Variants in ECT2 observed in about 807,000 individuals in gnomAD.
ECT2 encodes the protein epithelial cell transforming 2, also known as protein ECT2.
Under a neutral mutation model 116.9 loss-of-function variants are expected in ECT2, and 61 were observed. That is an observed-to-expected ratio of 0.52 (90% CI 0.42 to 0.65). The LOEUF is 0.65. ECT2 is among the 30% of genes least tolerant of loss of function. The pLI, the probability that ECT2 is intolerant of heterozygous loss-of-function variation, is 0.00. For missense variants in ECT2, 937 were observed against 1,078.7 expected, an observed-to-expected ratio of 0.87 and a Z score of 1.84; for synonymous variants, 358 against 346.4, an observed-to-expected ratio of 1.03 and a Z score of -0.37.
intron 22 of ECT2, among the ~76,000 whole-genome samples, chr3:172,812,232 C>G (rs1022255423): frequency 4.6e-5 from 7 of 152,104 alleles, no homozygotes; most frequent in Non-Finnish European, 8.8e-5. Context: ...AAGTGATCTG[C>G]CCCCCTGGGG....
chr3:172,828,895 C>A, the ECT2 span: 2 of 1,422,340 alleles, frequency 1.4e-6, no homozygotes, highest in South Asian at 2.5e-5. Flanking sequence ...AGCCAATGAT[C>A]AAGCTGCCAA....
intron 17 of ECT2, among the ~76,000 whole-genome samples, chr3:172,785,995 T>C (rs1308702270): frequency 6.6e-6 from 1 of 152,188 alleles, no homozygotes; most frequent in African/African-American, 2.4e-5. Flanking sequence ...AACCTAGATT[T>C]GATAAGAATA....
intron 12 of ECT2, among the ~76,000 whole-genome samples, chr3:172,767,024 C>G (rs570009969): frequency 3.3e-5 from 5 of 152,206 alleles, no homozygotes; most frequent in Non-Finnish European, 7.3e-5. Flanking sequence ...TAAATTAGAT[C>G]AGTGCATCTC....
the ECT2 span, among the ~76,000 whole-genome samples, chr3:172,828,399 TTA>T: frequency 2.0e-5 from 3 of 151,578 alleles, no homozygotes; most frequent in Non-Finnish European, 4.4e-5. Flanking sequence ...GTTTCTAAAT[TTA>T]TGTGGAAATA....
chr3:172,783,768 T>C (rs1167254568), intron 15 of ECT2, 31 bp from the exon 16 acceptor site: 1 of 1,396,618 alleles, frequency 7.2e-7, no homozygotes, highest in Admixed American at 1.7e-5. Context: ...AAATGCATAA[T>C]AAATAATGTT....
Position 172,783,858 on chromosome 3 carries a change from A to G in ECT2, c.1677A>G (p.Glu559=). 1.2e-6 allele frequency: 2 copies of G among 1,607,636 alleles called. No homozygotes were observed. The highest frequency in any genetic ancestry group is 1.7e-6 in the Non-Finnish European group (2 of 1,177,170). The change falls in exon 16 of 25, where the codon GAA becomes GAG. Residue 559 remains glutamate, a synonymous_variant. Transcript: ENST00000392692. ...PFVNFFEMSK[E]TIIKCEKQKP... ...TAAACTTCTTTGAAATGAGCAAGGA[A>G]ACAATTATTAAATGTGAAAAACAGA...
rs1397919520 is a variant in ECT2, at chr3:172,761,651, G to A, written c.726G>A (p.Trp242Ter). Residue 242 changes from tryptophan (W) to a stop codon, truncating the protein, a stop_gained, in exon 8 of 25, where the codon TGG (tryptophan) becomes TGA (stop). Coordinates refer to ENST00000392692, the MANE Select transcript of ECT2 (RefSeq NM_001258315.2). LOFTEE classifies it high-confidence loss of function. ...GTACTCCAATTATGAAGCCAGAATG[G>A]ATTTATAAAGCTTGGGAAAGGCGGA... is the stretch of plus-strand genomic sequence containing the variant. ...SLGTPIMKPE[W>*]IYKAWERRNE... The A allele has an allele frequency of 6.2e-7, 1 of 1,611,176 alleles. No homozygotes were observed. Among genetic ancestry groups the A allele is most frequent in the Non-Finnish European group, 8.5e-7 (1 of 1,178,174 alleles).
chr3:172,815,276 A>G (rs1577046062), intron 22 of ECT2, among the ~76,000 whole-genome samples: 1 of 152,176 alleles, frequency 6.6e-6, no homozygotes, highest in African/African-American at 2.4e-5. Flanking sequence ...TGTTTGTGGT[A>G]TTGGTTTTGT....
chr3:172,772,762 C>T (rs6776317), intron 13 of ECT2, among the ~76,000 whole-genome samples: 21,067 of 151,728 alleles, frequency 0.14, 1,717 homozygotes, highest in Non-Finnish European at 0.18. Context: ...TGTTTATGTC[C>T]GTGACCCATT....
At chr3:172,785,758 A>C (rs1017072572) in intron 17 of ECT2, among the ~76,000 whole-genome samples, 7 of 152,204 alleles carry the variant, frequency 4.6e-5, no homozygotes, top group Non-Finnish European at 1.0e-4. Context: ...TTACTGGCTT[A>C]TAAAATGATT....
chr3:172,762,459 G>C lies in ECT2; in HGVS notation c.802G>C (p.Val268Leu), dbSNP rs768418213. 1 of 1,598,926 alleles carries C rather than the reference G, an allele frequency of 6.3e-7. No homozygotes were observed. The highest frequency in any genetic ancestry group is 8.5e-7 in the Non-Finnish European group (1 of 1,176,662). ...TGATGACTTTAGAAATGAATTTAAAGTTCCTCCATTTCAAGATTGTATTTT... is the reference window on the plus strand; with the variant it reads ...TGATGACTTTAGAAATGAATTTAAACTTCCTCCATTTCAAGATTGTATTTT... The part of the protein sequence containing the change: ...AVDDFRNEFK[V>L]PPFQDCILSF... Residue 268 changes from valine (V) to leucine (L), a missense_variant, in exon 9 of 25, where the codon GTT becomes CTT. By Grantham distance (32) the Val-to-Leu change is conservative. Coordinates refer to ENST00000392692, the MANE Select transcript of ECT2 (RefSeq NM_001258315.2).
chr3:172,759,129 C>T (rs1717699311), intron 6 of ECT2, 60 bp downstream of exon 6: 5 of 1,156,248 alleles, frequency 4.3e-6, no homozygotes, highest in South Asian at 1.5e-5. Context: ...TTAAAATTGG[C>T]TTTTTTTTCT....
Position 172,805,151 on chromosome 3 carries a change from G to A in ECT2, c.2107-580G>A, listed in dbSNP as rs140278839. On this transcript the variant is annotated intron_variant, in intron 20 of 24. Coordinates refer to ENST00000392692, the MANE Select transcript of ECT2 (RefSeq NM_001258315.2). ...CCATCATCCTATTTAATAATAAATG[G>A]TAGAAACATTCAAAATGGGTAAAAT... Among the ~76,000 whole-genome samples the A allele has an allele frequency of 3.9e-3, 600 of 152,048 alleles. 2 individuals carry two copies. The highest frequency in any genetic ancestry group is 0.01 in the Middle Eastern group (3 of 294).
intron 17 of ECT2, among the ~76,000 whole-genome samples, chr3:172,785,673 A>G (rs1418880510): frequency 1.3e-5 from 2 of 152,232 alleles, no homozygotes; most frequent in African/African-American, 2.4e-5. Flanking sequence ...AATCTTGGTT[A>G]GTATATGAAT....
In ECT2 at chr3:172,810,523, C is replaced by T. The variant is rs75789501; in HGVS notation, c.2400+2599C>T. On this transcript the variant is annotated intron_variant, in intron 22 of 24. Transcript: ENST00000392692. ...TATAATTATTCTTCCATTTATTAGG[C>T]ATACCTAGTAAGTTGTTAGTATAAA... 6.1e-3 allele frequency among the ~76,000 whole-genome samples: 926 copies of T among 152,256 alleles called. 11 individuals are homozygous for T. Among genetic ancestry groups the T allele is most frequent in the South Asian group, 0.046 (221 of 4,818 alleles).
At position 172,782,182 on chromosome 3, in the gene ECT2, T is replaced by C. The variant is rs150074077; in HGVS notation, c.1568T>C (p.Ile523Thr). The C allele has an allele frequency of 8.2e-6, 13 of 1,580,714 alleles. No individual in the cohort carries two copies. In the African/African-American group the frequency reaches 1.5e-4, roughly 18 times the overall value. Residue 523 changes from isoleucine (I) to threonine (T), a missense_variant, in exon 15 of 25, where the codon ATA becomes ACA. Coordinates refer to ENST00000392692, the MANE Select transcript of ECT2 (RefSeq NM_001258315.2). ...TKIKDDLEDLIVNWDESKSIG... is the reference protein window; with the variant it reads ...TKIKDDLEDLTVNWDESKSIG... ...TTTCAGGATGATCTTGAAGACCTTA[T>C]AGTTAATTGGGATGAGAGCAAAAGC...
At chr3:172,803,027 AGTT>A (rs1359884285) in intron 20 of ECT2, 47 bp downstream of exon 20, 1 of 1,509,952 alleles carries the variant, frequency 6.6e-7, no homozygotes, top group Non-Finnish European at 8.9e-7. Context: ...GATTTTTGTA[AGTT>A]CCCTGAATAT....
At chr3:172,765,287 C>T (rs1332127114) in intron 12 of ECT2, among the ~76,000 whole-genome samples, 1 of 151,970 alleles carries the variant, frequency 6.6e-6, no homozygotes, top group Non-Finnish European at 1.5e-5. Flanking sequence ...ATTTCTCATT[C>T]TCCTTGGCCT....
At chr3:172,778,512 G>C (rs1405027553) in intron 14 of ECT2, among the ~76,000 whole-genome samples, 1 of 150,644 alleles carries the variant, frequency 6.6e-6, no homozygotes, top group Non-Finnish European at 1.5e-5. Flanking sequence ...GTTCACAGCT[G>C]TGTGATTTGA....
Sources: allele counts gnomAD v4.1 joint callset (sites outside exome capture counted in the v4.1 genomes callset), GRCh38; gene constraint gnomAD v4.1.1; transcripts MANE v1.5; gene names NCBI Gene and HGNC (gene_info 2026-07-23, HGNC 2026-07-21).